Variants in ZNF248 observed in about 807,000 individuals in gnomAD.
ZNF248 encodes zinc finger protein 248.
Under a neutral mutation model 44.3 loss-of-function variants are expected in ZNF248, and 20 were observed. The observed-to-expected ratio is 0.45, with a 90% CI of 0.32 to 0.66. ZNF248 has a LOEUF of 0.66. ZNF248 is among the 30% of genes least tolerant of loss of function. The probability of loss-of-function intolerance (pLI) is 0.04; values close to 1 mark genes in which losing one functional copy is unlikely to be tolerated. For missense variants in ZNF248, 654 were observed against 677.0 expected, an observed-to-expected ratio of 0.97 and a Z score of 0.38; for synonymous variants, 224 against 229.0, an observed-to-expected ratio of 0.98 and a Z score of 0.20.
In ZNF248 at chr10:37,829,464, C is replaced by T; in HGVS notation, c.*2151G>A. 1.0e-6 allele frequency: 1 copy of T among 985,386 alleles called. No individual in the cohort carries two copies. Among genetic ancestry groups the T allele is most frequent in the Non-Finnish European group, 1.2e-6 (1 of 829,926 alleles). The allele number at this position is 985,386 out of a possible 1,614,324, so 61.0% of individuals were successfully genotyped here. A position where few individuals can be genotyped will look rare whatever the true frequency, so the allele number is the denominator to read the frequency against. On this transcript the variant is annotated 3_prime_UTR_variant, in exon 6 of 6. Transcript: ENST00000395867. Reference sequence around the variant, plus strand: ...TTGTGAAAAGAAATAATTCTTCCCCCTAATTACCATATAGAACATTAACAC... The same window carrying T: ...TTGTGAAAAGAAATAATTCTTCCCCTTAATTACCATATAGAACATTAACAC...
At chr10:37,798,720 A>G (rs2049439323) in intron 6 of ZNF248, among the ~76,000 whole-genome samples, 1 of 152,096 alleles carries the variant, frequency 6.6e-6, no homozygotes, top group African/African-American at 2.4e-5. Context: ...TATAAAACCT[A>G]ATTTACTTGT....
At chr10:37,805,731 A>G (rs1240618050) in intron 6 of ZNF248, among the ~76,000 whole-genome samples, 1 of 152,222 alleles carries the variant, frequency 6.6e-6, no homozygotes, top group African/African-American at 2.4e-5. Context: ...GGGAAATTAT[A>G]TAAAATATTC....
chr10:37,816,565 T>C (rs2052507246), intron 6 of ZNF248, among the ~76,000 whole-genome samples: 1 of 152,208 alleles, frequency 6.6e-6, no homozygotes, highest in Non-Finnish European at 1.5e-5. Flanking sequence ...AGTTGTCTCT[T>C]TCGTTGGTTC....
Position 37,830,964 on chromosome 10 carries a change from G to C in ZNF248, c.*651C>G, listed in dbSNP as rs913792068. 2.0e-6 allele frequency: 1 copy of C among 490,330 alleles called. No individual in the cohort carries two copies. The highest frequency in any genetic ancestry group is 2.8e-6 in the Non-Finnish European group (1 of 363,244). The allele number at this position is 490,330 out of a possible 1,614,324, so 30.4% of individuals were successfully genotyped here. On this transcript the variant is annotated 3_prime_UTR_variant, in exon 6 of 6. Coordinates refer to ENST00000395867, the MANE Select transcript of ZNF248 (RefSeq NM_021045.3). ...AAAATTCCTTAAAATTTAACAATCA[G>C]AACTTTTAAGTCAGTATGAGGTTAT...
At chr10:37,797,749 A>G (rs930135660) in intron 6 of ZNF248, among the ~76,000 whole-genome samples, 2 of 152,114 alleles carry the variant, frequency 1.3e-5, no homozygotes, top group Non-Finnish European at 2.9e-5. Context: ...TCAAAATCAC[A>G]ATGAGATCTC....
intron 5 of ZNF248, 41 bp downstream of exon 5, chr10:37,837,576 A>G (rs200049250): frequency 2.0e-4 from 305 of 1,544,258 alleles, no homozygotes; most frequent in Non-Finnish European, 2.6e-4. Flanking sequence ...CCTAAGTTCT[A>G]ATTTCCTCTG....
chr10:37,773,856 G>A (rs921901950), downstream of ZNF248, among the ~76,000 whole-genome samples: 1 of 152,080 alleles, frequency 6.6e-6, no homozygotes, highest in Non-Finnish European at 1.5e-5. Flanking sequence ...AGGGGGTTAG[G>A]GCTTCAGAAA....
intron 6 of ZNF248, among the ~76,000 whole-genome samples, chr10:37,792,158 A>T (rs941026275): frequency 6.6e-6 from 1 of 152,184 alleles, no homozygotes; most frequent in African/African-American, 2.4e-5. Context: ...ATGTAATTTC[A>T]TGATAGCTCC....
the ZNF248 span, among the ~76,000 whole-genome samples, chr10:37,770,498 C>T: frequency 2.5e-3 from 387 of 152,210 alleles, 1 homozygote; most frequent in African/African-American, 8.7e-3. Flanking sequence ...CTTTGACAAA[C>T]CTGAGAAAAA....
chr10:37,820,480 T>G (rs952129775), intron 6 of ZNF248: 2 of 1,597,690 alleles, frequency 1.3e-6, no homozygotes, highest in African/African-American at 2.7e-5. Context: ...GTTCTACTTG[T>G]CACAGTAAGG....
chr10:37,824,349 C>A (rs965430283), downstream of ZNF248, among the ~76,000 whole-genome samples: 3 of 152,214 alleles, frequency 2.0e-5, no homozygotes, highest in South Asian at 6.2e-4. Flanking sequence ...TAATCTCATC[C>A]AATACCCCCT....
chr10:37,851,540 TC>T (rs2060219946), intron 3 of ZNF248, among the ~76,000 whole-genome samples: 2 of 151,864 alleles, frequency 1.3e-5, no homozygotes, highest in East Asian at 1.9e-4. Flanking sequence ...TCTCTGGGTG[TC>T]CCCCATGTAT....
chr10:37,806,145 T>C (rs1331790144), intron 6 of ZNF248, among the ~76,000 whole-genome samples: 1 of 152,212 alleles, frequency 6.6e-6, no homozygotes, highest in East Asian at 1.9e-4. Context: ...TTTTTGGCTT[T>C]TGTGAATAAT....
At chr10:37,826,870 T>C (rs1156860163), downstream of ZNF248, among the ~76,000 whole-genome samples, 2 of 152,210 alleles carry the variant, frequency 1.3e-5, no homozygotes, top group Non-Finnish European at 1.5e-5. Flanking sequence ...CAAATGCCCA[T>C]AAAACTCCAG....
chr10:37,840,170 TCA>T (rs1426475758), intron 3 of ZNF248, among the ~76,000 whole-genome samples: 2 of 152,158 alleles, frequency 1.3e-5, no homozygotes, highest in African/African-American at 4.8e-5. Context: ...AGACAGTAGT[TCA>T]CAGAGAGAAA....
chr10:37,857,811 C>T (rs1234641191), upstream of ZNF248: 1 of 152,506 alleles, frequency 6.6e-6, no homozygotes, highest in East Asian at 1.9e-4. Context: ...GGACTGGACG[C>T]ATACGGACCC....
intron 3 of ZNF248, among the ~76,000 whole-genome samples, chr10:37,849,023 A>C (rs1589923298): frequency 6.6e-6 from 1 of 152,240 alleles, no homozygotes; most frequent in Non-Finnish European, 1.5e-5. Flanking sequence ...TCAATATAAG[A>C]AATAGAAATG....
At chr10:37,806,068 C>G (rs1006439661) in intron 6 of ZNF248, among the ~76,000 whole-genome samples, 6 of 152,144 alleles carry the variant, frequency 3.9e-5, no homozygotes, top group African/African-American at 1.4e-4. Context: ...AACAATATTG[C>G]ACTGTGTGAA....
chr10:37,833,502 A>T (rs1269248725), intron 5 of ZNF248, among the ~76,000 whole-genome samples: 1 of 152,198 alleles, frequency 6.6e-6, no homozygotes, highest in East Asian at 1.9e-4. Flanking sequence ...GGTGAAGATT[A>T]GCAGACAAGG....
Sources: gnomAD v4.1 joint callset for allele counts (sites outside exome capture counted in the v4.1 genomes callset) on GRCh38, gnomAD v4.1.1 for gene constraint, MANE v1.5 for transcripts, NCBI Gene and HGNC (gene_info 2026-07-23, HGNC 2026-07-21) for gene names.